The following PRKG1 variants were observed in gnomAD, a reference collection of about 807,000 sequenced individuals.
PRKG1 encodes the protein protein kinase cGMP-dependent 1.
PRKG1 carries 35 observed loss-of-function variants against 88.1 expected under a neutral mutation model. That is an observed-to-expected ratio of 0.40 (90% CI 0.30 to 0.53). The LOEUF is 0.53. Among genes scored for constraint, PRKG1 ranks in the 20% least tolerant of loss-of-function variants. PRKG1 has a pLI of 0.59. For synonymous variants in PRKG1, 303 were observed against 292.5 expected (o/e 1.04, Z -0.37); for missense variants, 540 against 839.8 (o/e 0.64, Z 4.41).
In PRKG1 at chr10:52,164,936, A is replaced by C. The variant is rs564654510; in HGVS notation, c.1076+2973A>C. 3.9e-5 allele frequency among the ~76,000 whole-genome samples: 6 copies of C among 152,314 alleles called. No homozygotes were observed. In the South Asian group the frequency reaches 1.0e-3, roughly 26 times the overall value. ...ACAGTTAATATCTACTGTCTTAGCAAATTTCAACTGTACAGTTTTGTTTGA... is the reference window on the plus strand; with the variant it reads ...ACAGTTAATATCTACTGTCTTAGCACATTTCAACTGTACAGTTTTGTTTGA... On this transcript the variant is annotated intron_variant, in intron 9 of 17. Coordinates refer to ENST00000373980, the MANE Select transcript of PRKG1 (RefSeq NM_006258.4).
At chr10:52,242,183 C>T (rs1259729904) in intron 9 of PRKG1, 1 of 152,300 alleles carries the variant, frequency 6.6e-6, no homozygotes, top group Non-Finnish European at 1.5e-5. Context: ...CATTAAACCT[C>T]ACCTCTCTGG....
intron 4 of PRKG1, among the ~76,000 whole-genome samples, chr10:51,884,660 G>A (rs1287720489): frequency 6.6e-6 from 1 of 152,066 alleles, no homozygotes; most frequent in Non-Finnish European, 1.5e-5. Flanking sequence ...ACACTGAAAT[G>A]TCCAAGGTGG....
At chr10:51,577,397 T>C (rs749096829) in intron 3 of PRKG1, among the ~76,000 whole-genome samples, 3 of 152,084 alleles carry the variant, frequency 2.0e-5, no homozygotes, top group Non-Finnish European at 4.4e-5. Flanking sequence ...TATATTACTT[T>C]ATTTTGCTGT....
At position 51,190,239 on chromosome 10, in the gene PRKG1, G is replaced by T. The variant is rs547329800; in HGVS notation, c.478+36909G>T. On this transcript the variant is annotated intron_variant, in intron 2 of 17. Coordinates refer to ENST00000373980, the MANE Select transcript of PRKG1 (RefSeq NM_006258.4). ...AAGTAAATAATAACTAAATAAGTGA[G>T]TAAAAAGAAGTAAACATAGAATGTA... Among the ~76,000 whole-genome samples the T allele has an allele frequency of 3.0e-4, 45 of 152,012 alleles. No homozygotes were observed. The South Asian group carries it at 6.8e-3, about 23-fold the overall frequency.
At chr10:51,599,528 G>A (rs1425937944) in intron 3 of PRKG1, among the ~76,000 whole-genome samples, 5 of 151,734 alleles carry the variant, frequency 3.3e-5, no homozygotes, top group African/African-American at 1.2e-4. Flanking sequence ...TTTAATTTTG[G>A]CCTTAATAAT....
At chr10:51,749,748 C>T (rs374933002) in intron 3 of PRKG1, among the ~76,000 whole-genome samples, 247 of 152,216 alleles carry the variant, frequency 1.6e-3, no homozygotes, top group African/African-American at 5.6e-3. Context: ...ACATCTTTTG[C>T]TAGATTTTCC....
intron 2 of PRKG1, among the ~76,000 whole-genome samples, chr10:51,252,868 G>T (rs544093560): frequency 6.6e-6 from 1 of 151,862 alleles, no homozygotes; most frequent in South Asian, 2.1e-4. Flanking sequence ...GCTTGAAACT[G>T]GCAATCATTG....
intron 3 of PRKG1, among the ~76,000 whole-genome samples, chr10:51,804,330 G>C (rs770402992): frequency 4.6e-5 from 7 of 152,048 alleles, no homozygotes; most frequent in Admixed American, 4.6e-4. Context: ...AAGGGTCATA[G>C]AGCAAGGGCA....
At chr10:51,491,800 A>G (rs957920695) in intron 3 of PRKG1, among the ~76,000 whole-genome samples, 1 of 152,158 alleles carries the variant, frequency 6.6e-6, no homozygotes, top group African/African-American at 2.4e-5. Flanking sequence ...ATGAAATCAC[A>G]TAGAATGGAC....
chr10:51,164,303 G>A (rs372741492), intron 2 of PRKG1, among the ~76,000 whole-genome samples: 2 of 152,036 alleles, frequency 1.3e-5, no homozygotes, highest in Admixed American at 6.5e-5. Flanking sequence ...GGAGTGGACC[G>A]CTAGCAAACT....
At chr10:52,005,279 T>G (rs1844703894) in intron 5 of PRKG1, among the ~76,000 whole-genome samples, 1 of 133,036 alleles carries the variant, frequency 7.5e-6, no homozygotes, top group Non-Finnish European at 1.6e-5. Flanking sequence ...TTTCATTCAG[T>G]AGAGACGGAT....
At position 51,272,046 on chromosome 10, in the gene PRKG1, G is replaced by A. The variant is rs559038546; in HGVS notation, c.478+118716G>A. Among the ~76,000 whole-genome samples, 5 of 152,176 alleles carry A rather than the reference G, an allele frequency of 3.3e-5. No individual in the cohort carries two copies. In the South Asian group the frequency reaches 8.3e-4, roughly 25 times the overall value. On this transcript the variant is annotated intron_variant, in intron 2 of 17. Transcript: ENST00000373980. The stretch of plus-strand genomic sequence containing the variant: ...TACACTCCCACGAACAGTGTAAAAG[G>A]GTTCCTATTTCTCCACATCTTCTCC...
chr10:51,776,926 A>G (rs771093693), intron 3 of PRKG1, among the ~76,000 whole-genome samples: 1 of 152,210 alleles, frequency 6.6e-6, no homozygotes, highest in African/African-American at 2.4e-5. Flanking sequence ...ATCCTATGCC[A>G]CGGAAGACAT....
intron 3 of PRKG1, among the ~76,000 whole-genome samples, chr10:51,510,979 T>G (rs184158163): frequency 9.6e-4 from 146 of 151,650 alleles, no homozygotes; most frequent in African/African-American, 3.4e-3. Flanking sequence ...GTCTTGAACT[T>G]TTGACCTTGT....
intron 3 of PRKG1, among the ~76,000 whole-genome samples, chr10:51,703,205 A>C (rs1378066415): frequency 6.6e-6 from 1 of 152,208 alleles, no homozygotes; most frequent in Non-Finnish European, 1.5e-5. Context: ...AGAATACAAA[A>C]ATTCTATACA....
chr10:51,373,072 GTCTA>G lies in PRKG1; in HGVS notation c.479-94648_479-94645del, dbSNP rs1379845032. On this transcript the variant is annotated intron_variant, in intron 2 of 17. Coordinates refer to ENST00000373980, the MANE Select transcript of PRKG1 (RefSeq NM_006258.4). ...ATATGGCTCTAAAGGCTACCATTAT[GTCTA>G]TCCATCCATCCATCGATTCACTAAT... 2.6e-5 allele frequency among the ~76,000 whole-genome samples: 4 copies of G among 152,034 alleles called. No homozygotes were observed. In the South Asian group the frequency reaches 6.2e-4, roughly 24 times the overall value.
chr10:51,949,927 TC>T (rs1330587056), intron 5 of PRKG1, among the ~76,000 whole-genome samples: 1 of 152,182 alleles, frequency 6.6e-6, no homozygotes, highest in Non-Finnish European at 1.5e-5. Context: ...AATTCTTATG[TC>T]CAAGGAGCGC....
chr10:51,891,298 A>G (rs1841714783), intron 4 of PRKG1, among the ~76,000 whole-genome samples: 1 of 152,120 alleles, frequency 6.6e-6, no homozygotes, highest in African/African-American at 2.4e-5. Flanking sequence ...AATATTCTCT[A>G]CAGAGTGACC....
intron 7 of PRKG1, among the ~76,000 whole-genome samples, chr10:52,081,169 G>C (rs542911482): frequency 6.6e-6 from 1 of 152,126 alleles, no homozygotes; most frequent in Non-Finnish European, 1.5e-5. Context: ...TAAATTTCTT[G>C]TAAAATGTGT....
Sources: gnomAD v4.1 joint callset for allele counts (sites outside exome capture counted in the v4.1 genomes callset) on GRCh38, gnomAD v4.1.1 for gene constraint, MANE v1.5 for transcripts, NCBI Gene and HGNC (gene_info 2026-07-23, HGNC 2026-07-21) for gene names.